PARN: variants seen among roughly 807,000 people sequenced by gnomAD.
PARN encodes the protein poly(A)-specific ribonuclease PARN.
Under a neutral mutation model 102.8 loss-of-function variants are expected in PARN, and 71 were observed. That is an observed-to-expected ratio of 0.69 (90% CI 0.57 to 0.84). The LOEUF is 0.84. PARN is among the 40% of genes least tolerant of loss of function. The pLI is 0.00. For missense variants in PARN, 782 were observed against 760.9 expected (o/e 1.03, Z -0.33); for synonymous variants, 261 against 252.9 (o/e 1.03, Z -0.30).
intron 22 of PARN, among the ~76,000 whole-genome samples, chr16:14,449,054 T>C (rs1244266147): frequency 3.9e-5 from 6 of 152,112 alleles, no homozygotes; most frequent in Non-Finnish European, 8.8e-5. Context: ...AAGAAGATAA[T>C]AAGGGTTCTT....
At chr16:14,523,180 T>C (rs1191160485) in intron 21 of PARN, among the ~76,000 whole-genome samples, 1 of 151,104 alleles carries the variant, frequency 6.6e-6, no homozygotes, top group Non-Finnish European at 1.5e-5. Flanking sequence ...AGCATTAAAC[T>C]ATGCAAAGAA....
chr16:14,593,311 G>C lies in PARN; in HGVS notation c.908C>G (p.Pro303Arg), dbSNP rs1211898404. ...CAACAGGTCACTTACCGCAGGCAGA[G>C]GGCAGTAGAACTGATGAACTGTGTG... ...VMHTVHQFYC[P>R]LPADLSEFKE... The change falls in exon 13 of 24, where the codon CCT becomes CGT. Residue 303 changes from proline (P) to arginine (R), a missense_variant. Physicochemically the swap from Pro to Arg is moderately radical, Grantham distance 103. Transcript: ENST00000437198. 1.3e-6 allele frequency: 2 copies of C among 1,575,072 alleles called. No homozygotes were observed. The highest frequency in any genetic ancestry group is 1.4e-5 in the African/African-American group (1 of 73,974).
rs188135828 is a variant in PARN, at chr16:14,536,424, C to T, written c.1480+15597G>A. ...TCCTTATATTTAGTTTCTCAGTGGC[C>T]GAAGAGCAAACTGGCAGATTAATTT... On this transcript the variant is annotated intron_variant, in intron 21 of 23. Coordinates refer to ENST00000437198, the MANE Select transcript of PARN (RefSeq NM_002582.4). Among the ~76,000 whole-genome samples, 20 of 152,052 alleles carry T rather than the reference C, an allele frequency of 1.3e-4. No individual in the cohort carries two copies. The East Asian group carries it at 3.7e-3, about 28-fold the overall frequency.
chr16:14,584,861 T>A, intron 14 of PARN, 70 bp from the exon 15 acceptor site: 1 of 810,394 alleles, frequency 1.2e-6, no homozygotes, highest in Non-Finnish European at 2.0e-6. Flanking sequence ...CTCAAATATG[T>A]AAGCTACTTA....
chr16:14,627,936 A>G (rs1481557870), intron 3 of PARN, among the ~76,000 whole-genome samples: 3 of 152,188 alleles, frequency 2.0e-5, no homozygotes, highest in African/African-American at 7.2e-5. Flanking sequence ...TTGAGCCAGG[A>G]GTTCAAGGCT....
chr16:14,601,630 T>G (rs1183198199), intron 11 of PARN, among the ~76,000 whole-genome samples: 1 of 152,068 alleles, frequency 6.6e-6, no homozygotes, highest in East Asian at 1.9e-4. Context: ...CAATTAAAAT[T>G]TTTTTGGGGG....
At chr16:14,530,140 G>T (rs150099724) in intron 21 of PARN, among the ~76,000 whole-genome samples, 1 of 152,236 alleles carries the variant, frequency 6.6e-6, no homozygotes, top group Non-Finnish European at 1.5e-5. Flanking sequence ...AAGGTGGACA[G>T]AGAGAGGACT....
At position 14,446,479 on chromosome 16, in the gene PARN, G is replaced by A. The variant is rs182972861; in HGVS notation, c.1864+409C>T. On this transcript the variant is annotated intron_variant, in intron 23 of 23. Transcript: ENST00000437198. ...TTTGCTTCTTATATAATTCTGCTTC[G>A]GAGAGAAATCCAGGTTGCCTGGGGG... Among the ~76,000 whole-genome samples, 245 of 152,254 alleles carry A rather than the reference G, an allele frequency of 1.6e-3. 2 individuals are homozygous for A. The highest frequency in any genetic ancestry group is 0.012 in the Admixed American group (179 of 15,298).
intron 23 of PARN, among the ~76,000 whole-genome samples, chr16:14,438,441 T>TGGC (rs1555475654): frequency 9.3e-6 from 1 of 107,024 alleles, no homozygotes; most frequent in Non-Finnish European, 1.9e-5. Context: ...TGCCATTAGT[T>TGGC]GGGGGGGGGG....
intron 8 of PARN, among the ~76,000 whole-genome samples, chr16:14,608,536 AG>A (rs1171725190): frequency 6.6e-6 from 1 of 152,212 alleles, no homozygotes; most frequent in African/African-American, 2.4e-5. Context: ...TTTACTGAAG[AG>A]GTAGAAGTTC....
intron 21 of PARN, among the ~76,000 whole-genome samples, chr16:14,487,251 G>T (rs1263537073): frequency 6.6e-6 from 1 of 152,238 alleles, no homozygotes; most frequent in African/African-American, 2.4e-5. Flanking sequence ...AAGCAACAAA[G>T]CTGGCTTGAA....
chr16:14,555,834 T>C lies in PARN; in HGVS notation c.1263-125A>G. Reference sequence around the variant, plus strand: ...CATTTATTATATCTTTTGTAGAAGATCCTTGATATCACTCTATTTGTAAAA... The same window carrying C: ...CATTTATTATATCTTTTGTAGAAGACCCTTGATATCACTCTATTTGTAAAA... On this transcript the variant is annotated intron_variant, in intron 18 of 23. Transcript: ENST00000437198. The C allele has an allele frequency of 6.1e-6, 3 of 490,542 alleles. No individual in the cohort carries two copies. In the South Asian group the frequency reaches 1.3e-4, roughly 21 times the overall value. 30.4% of individuals were successfully genotyped at this position (490,542 alleles called of 1,614,324 possible).
intron 21 of PARN, among the ~76,000 whole-genome samples, chr16:14,532,703 C>T (rs1358180164): frequency 2.6e-5 from 4 of 151,804 alleles, no homozygotes; most frequent in Non-Finnish European, 5.9e-5. Flanking sequence ...GACGGGGGGG[C>T]GACCGGGCAG....
At chr16:14,627,513 TA>T (rs1009477121) in intron 3 of PARN, among the ~76,000 whole-genome samples, 177 bp from the exon 4 acceptor site, 4 of 152,242 alleles carry the variant, frequency 2.6e-5, no homozygotes, top group African/African-American at 7.2e-5. Flanking sequence ...CATTTCATAA[TA>T]CTTTTCCCAT....
intron 18 of PARN, among the ~76,000 whole-genome samples, chr16:14,556,337 T>C (rs969824489): frequency 6.6e-6 from 1 of 151,438 alleles, no homozygotes; most frequent in Non-Finnish European, 1.5e-5. Context: ...TTTTTGTATT[T>C]TTAGTACAGA....
chr16:14,536,847 A>C (rs543492738), intron 21 of PARN, among the ~76,000 whole-genome samples: 2 of 152,344 alleles, frequency 1.3e-5, no homozygotes, highest in Non-Finnish European at 2.9e-5. Flanking sequence ...AAACTACTAG[A>C]AGAAAACATT....
chr16:14,566,953 G>T (rs1016951109), intron 18 of PARN, among the ~76,000 whole-genome samples: 6 of 152,222 alleles, frequency 3.9e-5, no homozygotes, highest in Admixed American at 3.9e-4. Flanking sequence ...ATCAACTTGA[G>T]GCAAGCAGTC....
chr16:14,490,891 CA>C (rs1450220024), intron 21 of PARN, among the ~76,000 whole-genome samples: 1 of 151,998 alleles, frequency 6.6e-6, no homozygotes, highest in African/African-American at 2.4e-5. Flanking sequence ...TCAGATTTTG[CA>C]AAAGGGCAAG....
At position 14,627,174 on chromosome 16, in the gene PARN, A is replaced by C. The variant is rs754319643; in HGVS notation, c.259T>G (p.Ser87Ala). The C allele has an allele frequency of 1.7e-5, 27 of 1,600,452 alleles. No homozygotes were observed. Among genetic ancestry groups the C allele is most frequent in the Non-Finnish European group, 2.3e-5 (27 of 1,169,766 alleles). The change falls in exon 5 of 24, where the codon TCA becomes GCA. Residue 87 changes from serine (S) to alanine (A), a missense_variant. Transcript: ENST00000437198. ...TTCGGGAAAACATAGAAGTTAAATG[A>C]CTTCGTTATATACCTGGGATAAGAT... ...DYTDSKYITK[S>A]FNFYVFPKPF... is the part of the protein sequence containing the mutation.
Sources: gnomAD v4.1 joint callset for allele counts (sites outside exome capture counted in the v4.1 genomes callset) on GRCh38, gnomAD v4.1.1 for gene constraint, MANE v1.5 for transcripts, NCBI Gene and HGNC (gene_info 2026-07-23, HGNC 2026-07-21) for gene names.